GRID2: variants seen among roughly 807,000 people sequenced by gnomAD.
GRID2 encodes glutamate ionotropic receptor delta type subunit 2, also known as glutamate receptor ionotropic, delta-2.
GRID2 carries 33 observed loss-of-function variants against 114.8 expected under a neutral mutation model. That is an observed-to-expected ratio of 0.29 (90% CI 0.22 to 0.38). The LOEUF (loss-of-function observed/expected upper bound fraction) is 0.38. GRID2 is among the 10% of genes least tolerant of loss of function. GRID2 has a pLI of 1.00. For synonymous variants in GRID2, 505 were observed against 449.9 expected (o/e 1.12, Z -1.55); for missense variants, 1,184 against 1,257.7 (o/e 0.94, Z 0.89).
chr4:92,472,278 A>C (rs1722084929), intron 1 of GRID2, among the ~76,000 whole-genome samples: 1 of 152,050 alleles, frequency 6.6e-6, no homozygotes, highest in African/African-American at 2.4e-5. Context: ...GCTTGTTATA[A>C]ATTTATACTA....
At chr4:93,805,746 G>A (rs1735016373) in intron 1 of GRID2, among the ~76,000 whole-genome samples, 1 of 152,122 alleles carries the variant, frequency 6.6e-6, no homozygotes, top group Admixed American at 6.5e-5. Context: ...TTATTTAATG[G>A]CTGAAATATG....
At chr4:93,455,144 A>C (rs1580133594) in intron 10 of GRID2, among the ~76,000 whole-genome samples, 1 of 152,148 alleles carries the variant, frequency 6.6e-6, no homozygotes, top group East Asian at 1.9e-4. Flanking sequence ...TTAGTGCTAT[A>C]AAAACTCTAA....
chr4:93,344,006 T>A (rs986291191), intron 8 of GRID2, among the ~76,000 whole-genome samples: 3 of 152,094 alleles, frequency 2.0e-5, no homozygotes, highest in African/African-American at 7.2e-5. Flanking sequence ...CACATTTTTC[T>A]TTCAGAGCAG....
intron 1 of GRID2, among the ~76,000 whole-genome samples, chr4:93,798,065 A>T (rs1005313773): frequency 2.0e-5 from 3 of 152,136 alleles, no homozygotes; most frequent in Non-Finnish European, 4.4e-5. Flanking sequence ...AGGCAGGAGA[A>T]TTGCTTGAAC....
In GRID2 at chr4:93,217,005, G is replaced by T. The variant is rs1482461903; in HGVS notation, c.963+94G>T. 3.8e-5 allele frequency: 30 copies of T among 788,308 alleles called. No homozygotes were observed. The Admixed American group carries it at 5.5e-4, about 14-fold the overall frequency. 48.8% of individuals were successfully genotyped at this position (788,308 alleles called of 1,614,324 possible). ...AGTTGCATTGGATTCAGAATTATAC[G>T]TGTTATTTCTGAACAATTCTCCTCC... is the stretch of plus-strand genomic sequence containing the variant. On this transcript the variant is annotated intron_variant, in intron 6 of 15. Coordinates refer to ENST00000282020, the MANE Select transcript of GRID2 (RefSeq NM_001510.4).
intron 8 of GRID2, among the ~76,000 whole-genome samples, chr4:93,248,998 T>C (rs1748518286): frequency 1.3e-5 from 2 of 152,186 alleles, no homozygotes; most frequent in Admixed American, 6.6e-5. Flanking sequence ...GTACAAACTA[T>C]GGTATTAAGG....
At position 93,117,005 on chromosome 4, in the gene GRID2, A is replaced by G. The variant is rs1426096797; in HGVS notation, c.735+6052A>G. 2.6e-5 allele frequency among the ~76,000 whole-genome samples: 4 copies of G among 152,158 alleles called. 1 individual carries two copies. The highest frequency in any genetic ancestry group is 1.3e-4 in the Admixed American group (2 of 15,260). ...ATAGAACCTAACTACTGTGAATGAC[A>G]AGCATCCACAATCATTGTTATTATA... On this transcript the variant is annotated intron_variant, in intron 4 of 15. Coordinates refer to ENST00000282020, the MANE Select transcript of GRID2 (RefSeq NM_001510.4).
intron 1 of GRID2, among the ~76,000 whole-genome samples, chr4:92,451,064 G>A (rs1288353403): frequency 3.3e-5 from 5 of 152,044 alleles, no homozygotes; most frequent in African/African-American, 7.2e-5. Flanking sequence ...CACTTTTGCA[G>A]TTGTCAAGCA....
intron 2 of GRID2, among the ~76,000 whole-genome samples, chr4:92,797,147 G>T (rs1042028876): frequency 6.6e-6 from 1 of 151,754 alleles, no homozygotes; most frequent in African/African-American, 2.4e-5. Context: ...TCTGCTTCTT[G>T]GGAACACTTC....
chr4:93,616,481 A>T (rs900700125), intron 13 of GRID2, among the ~76,000 whole-genome samples: 4 of 150,368 alleles, frequency 2.7e-5, no homozygotes, highest in Non-Finnish European at 5.9e-5. Context: ...CTGGAGGTGG[A>T]GGCTGCAGTG....
At chr4:92,665,290 A>G (rs1732717446) in intron 2 of GRID2, among the ~76,000 whole-genome samples, 1 of 147,262 alleles carries the variant, frequency 6.8e-6, no homozygotes, top group Non-Finnish European at 1.5e-5. Context: ...TTCAATAACA[A>G]AAAAAAAAAA....
At chr4:93,602,603 G>T (rs1464764880) in intron 13 of GRID2, among the ~76,000 whole-genome samples, 2 of 152,202 alleles carry the variant, frequency 1.3e-5, no homozygotes, top group Non-Finnish European at 2.9e-5. Context: ...GTACCCACAT[G>T]ATGGCTAACT....
chr4:92,815,178 CCAT>C (rs1386884246), intron 2 of GRID2, among the ~76,000 whole-genome samples: 1 of 152,048 alleles, frequency 6.6e-6, no homozygotes, highest in Non-Finnish European at 1.5e-5. Flanking sequence ...CTATATTTCT[CCAT>C]CATATTCTTA....
At chr4:93,323,302 G>A (rs1757445074) in intron 8 of GRID2, among the ~76,000 whole-genome samples, 1 of 152,132 alleles carries the variant, frequency 6.6e-6, no homozygotes, top group African/African-American at 2.4e-5. Flanking sequence ...ATTAAATAGG[G>A]AATCCTTTCC....
intron 1 of GRID2, among the ~76,000 whole-genome samples, chr4:92,518,120 TTTCTCTCTCC>T (rs1321755194): frequency 6.6e-6 from 1 of 151,850 alleles, no homozygotes; most frequent in Non-Finnish European, 1.5e-5. Context: ...CTTCTCTCTC[TTTCTCTCTCC>T]CTTTTCTTCT....
chr4:93,355,345 T>C (rs565078208), intron 8 of GRID2, among the ~76,000 whole-genome samples: 6 of 152,126 alleles, frequency 3.9e-5, no homozygotes, highest in African/African-American at 1.2e-4. Flanking sequence ...TTGTCCAACA[T>C]TGGTCACTTG....
intron 1 of GRID2, among the ~76,000 whole-genome samples, chr4:92,390,443 C>T (rs1312004590): frequency 6.6e-6 from 1 of 152,014 alleles, no homozygotes. Flanking sequence ...GGTGGCTCTC[C>T]CTTGGTCCAA....
intron 1 of GRID2, among the ~76,000 whole-genome samples, chr4:92,433,799 C>G (rs1453220110): frequency 5.3e-5 from 8 of 152,116 alleles, no homozygotes; most frequent in Non-Finnish European, 7.3e-5. Flanking sequence ...CTTGCTCTAC[C>G]TACCTTTCCT....
chr4:92,960,763 AT>A (rs1752744001), intron 2 of GRID2, among the ~76,000 whole-genome samples: 1 of 151,882 alleles, frequency 6.6e-6, no homozygotes, highest in Non-Finnish European at 1.5e-5. Context: ...GTTAATATTT[AT>A]CTTATTTATG....
Sources: allele counts gnomAD v4.1 joint callset (sites outside exome capture counted in the v4.1 genomes callset), GRCh38; gene constraint gnomAD v4.1.1; transcripts MANE v1.5; gene names NCBI Gene and HGNC (gene_info 2026-07-23, HGNC 2026-07-21).